Variants in SERGEF observed in about 807,000 individuals in gnomAD.
SERGEF encodes the protein secretion regulating guanine nucleotide exchange factor.
In SERGEF, 51 loss-of-function variants were observed where a neutral mutation model predicts 50.0. The observed-to-expected ratio is 1.02, with a 90% CI of 0.81 to 1.29. SERGEF has a LOEUF of 1.29. Ranked by LOEUF, SERGEF falls within the 50% of genes most tolerant of loss-of-function variation. SERGEF has a pLI of 0.00. For synonymous variants in SERGEF, 205 were observed against 212.4 expected, an observed-to-expected ratio of 0.97 and a Z score of 0.30; for missense variants, 521 against 557.0, an observed-to-expected ratio of 0.94 and a Z score of 0.65.
intron 9 of SERGEF, among the ~76,000 whole-genome samples, chr11:17,896,747 C>G (rs865901791): frequency 0.015 from 894 of 61,250 alleles, 51 homozygotes; most frequent in Middle Eastern, 0.038. Flanking sequence ...GGAAGGGTAA[C>G]GGAAGGGTAA....
chr11:17,900,530 T>C (rs1851730037), intron 9 of SERGEF, among the ~76,000 whole-genome samples: 1 of 152,238 alleles, frequency 6.6e-6, no homozygotes, highest in Non-Finnish European at 1.5e-5. Context: ...CAATTGCATT[T>C]ATTATTAAAC....
chr11:17,913,966 A>T (rs1333417630), intron 9 of SERGEF, among the ~76,000 whole-genome samples: 1 of 152,244 alleles, frequency 6.6e-6, no homozygotes, highest in Non-Finnish European at 1.5e-5. Context: ...ATTAATAACC[A>T]TTCACAATTC....
chr11:17,859,737 C>T (rs190405371), intron 10 of SERGEF, among the ~76,000 whole-genome samples: 1 of 152,212 alleles, frequency 6.6e-6, no homozygotes, highest in Admixed American at 6.5e-5. Flanking sequence ...AAGCAGCAGA[C>T]TTCTCAATAG....
At chr11:17,849,781 T>G (rs896421737) in intron 10 of SERGEF, among the ~76,000 whole-genome samples, 1 of 152,250 alleles carries the variant, frequency 6.6e-6, no homozygotes, top group African/African-American at 2.4e-5. Context: ...GAGAGATTAA[T>G]TTATTCACGG....
intron 9 of SERGEF, among the ~76,000 whole-genome samples, chr11:17,892,398 C>T (rs1260918997): frequency 6.6e-6 from 1 of 152,080 alleles, no homozygotes; most frequent in African/African-American, 2.4e-5. Flanking sequence ...GAGAACTCAC[C>T]CAGGCTACCC....
rs932588002 is a variant in SERGEF at position 17,888,611 on chromosome 11, G to A, written c.1012-10367C>T. Among the ~76,000 whole-genome samples, 1 of 148,870 alleles carries A rather than the reference G, an allele frequency of 6.7e-6. No homozygotes were observed. The highest frequency in any genetic ancestry group is 2.5e-5 in the African/African-American group (1 of 40,170). On this transcript the variant is annotated intron_variant, in intron 9 of 10. Transcript: ENST00000265965. The surrounding 1 kb of genome is among the most constrained non-coding windows in gnomAD (Gnocchi z 4.1). ...TATCAGGTTAGAATTAGAGTTATCA[G>A]TATGAACTCACAGTTTTACACACAC...
Position 17,788,271 on chromosome 11 carries a change from C to T in SERGEF, c.1191G>A (p.Leu397=), listed in dbSNP as rs1250171662. Residue 397 remains leucine, a synonymous_variant, in exon 11 of 11, where the codon TTG becomes TTA. Transcript: ENST00000265965. Reference sequence around the variant, plus strand: ...GGTGAGCTGGCAGCTGGCAGAGGGCCAAGGAGTGGCCAGCCCCACAGCCCA... The same window carrying T: ...GGTGAGCTGGCAGCTGGCAGAGGGCTAAGGAGTGGCCAGCCCCACAGCCCA... The part of the protein sequence containing the change: ...LLVGCGAGHS[L]ALCQLPAHPA... 1 of 1,614,142 alleles carries T rather than the reference C, an allele frequency of 6.2e-7. No homozygotes were observed. Among genetic ancestry groups the T allele is most frequent in the Middle Eastern group, 1.6e-4 (1 of 6,062 alleles).
intron 10 of SERGEF, 115 bp downstream of exon 10, chr11:17,878,093 C>A: frequency 1.4e-6 from 1 of 737,116 alleles, no homozygotes; most frequent in Non-Finnish European, 2.3e-6. Context: ...CCCCCAATCT[C>A]CCCTAACACA....
At position 17,852,561 on chromosome 11, in the gene SERGEF, C is replaced by T. The variant is rs555476817; in HGVS notation, c.1048+25647G>A. The stretch of plus-strand genomic sequence containing the variant: ...ATTTATGTAAGAATTTCAGTGGCCT[C>T]CTGCCTTAAGCATGATTATCACAGA... On this transcript the variant is annotated intron_variant, in intron 10 of 10. Transcript: ENST00000265965. Among the ~76,000 whole-genome samples the T allele has an allele frequency of 6.6e-5, 10 of 152,266 alleles. No individual in the cohort carries two copies. The South Asian group carries it at 1.9e-3, about 28-fold the overall frequency.
At chr11:18,009,305 T>C (rs1320714304) in intron 1 of SERGEF, among the ~76,000 whole-genome samples, 1 of 152,110 alleles carries the variant, frequency 6.6e-6, no homozygotes, top group Admixed American at 6.5e-5. Context: ...GTCCTAGGCA[T>C]CCACAACTCA....
intron 10 of SERGEF, among the ~76,000 whole-genome samples, chr11:17,803,556 T>C (rs1849708219): frequency 6.6e-6 from 1 of 152,196 alleles, no homozygotes; most frequent in East Asian, 1.9e-4. Flanking sequence ...ACAATCGTCT[T>C]TTCCTTGCCT....
intron 9 of SERGEF, among the ~76,000 whole-genome samples, chr11:17,891,457 C>T (rs1851531051): frequency 6.6e-6 from 1 of 152,082 alleles, no homozygotes; most frequent in Non-Finnish European, 1.5e-5. Context: ...CAGTTCGGGA[C>T]TCTCTCTCAC....
chr11:17,936,656 G>C (rs945343827), intron 9 of SERGEF, among the ~76,000 whole-genome samples: 1 of 152,148 alleles, frequency 6.6e-6, no homozygotes, highest in African/African-American at 2.4e-5. Flanking sequence ...CGTGGCTCCA[G>C]CCAAGGAAAC....
At chr11:18,012,912 C>A (rs1331608687) in intron 1 of SERGEF, 39 bp downstream of exon 1, 1 of 1,535,728 alleles carries the variant, frequency 6.5e-7, no homozygotes, top group East Asian at 2.4e-5. Flanking sequence ...TCTCGGCGCC[C>A]CTCAGGGCCT....
intron 10 of SERGEF, among the ~76,000 whole-genome samples, chr11:17,842,565 C>A (rs1850525098): frequency 6.6e-6 from 1 of 152,170 alleles, no homozygotes; most frequent in African/African-American, 2.4e-5. Flanking sequence ...AACAGAAACT[C>A]AGAGAGGATT....
intron 10 of SERGEF, among the ~76,000 whole-genome samples, chr11:17,871,430 C>T (rs1034658633): frequency 2.1e-5 from 3 of 145,038 alleles, no homozygotes; most frequent in Non-Finnish European, 3.0e-5. Context: ...CACTGCACTC[C>T]GGCCTGGGTG....
At chr11:17,921,854 C>T (rs1326417746) in intron 9 of SERGEF, among the ~76,000 whole-genome samples, 2 of 152,212 alleles carry the variant, frequency 1.3e-5, no homozygotes, top group Non-Finnish European at 2.9e-5. Context: ...GAATGACCGA[C>T]ACAGGGGGAA....
intron 10 of SERGEF, among the ~76,000 whole-genome samples, chr11:17,831,826 T>C (rs1366027004): frequency 1.3e-5 from 2 of 152,178 alleles, no homozygotes; most frequent in African/African-American, 4.8e-5. Flanking sequence ...TTCTCTCCCA[T>C]CAGCCCCTTC....
chr11:18,009,576 G>T (rs1019961984), intron 1 of SERGEF, among the ~76,000 whole-genome samples: 3 of 152,146 alleles, frequency 2.0e-5, no homozygotes, highest in African/African-American at 7.2e-5. Flanking sequence ...CTTAAAGCAA[G>T]GCACGTCATT....
Sources: gnomAD v4.1 joint callset for allele counts (sites outside exome capture counted in the v4.1 genomes callset) on GRCh38, gnomAD v4.1.1 for gene constraint, Gnocchi (gnomAD v3.1) non-coding constraint, MANE v1.5 for transcripts, NCBI Gene and HGNC (gene_info 2026-07-23, HGNC 2026-07-21) for gene names.